Variants in GMDS observed in about 807,000 individuals in gnomAD.
GMDS encodes GDP-mannose 4,6 dehydratase.
Under a neutral mutation model 49.9 loss-of-function variants are expected in GMDS, and 20 were observed. The ratio of observed to expected loss-of-function variants is 0.40; its 90% CI spans 0.28 to 0.58. The LOEUF (loss-of-function observed/expected upper bound fraction) is 0.58. GMDS is among the 20% of genes least tolerant of loss of function. The pLI is 0.42. For synonymous variants in GMDS, 177 were observed against 178.6 expected (o/e 0.99, Z 0.07); for missense variants, 362 against 481.4 (o/e 0.75, Z 2.32).
chr6:1,896,951 C>G (rs116677483), intron 7 of GMDS, among the ~76,000 whole-genome samples: 2,974 of 152,160 alleles, frequency 0.02, 104 homozygotes, highest in African/African-American at 0.068. Flanking sequence ...GTAGGGAAGA[C>G]GAGGGCAGGA....
intron 7 of GMDS, among the ~76,000 whole-genome samples, chr6:1,883,885 T>C (rs1759479940): frequency 6.6e-6 from 1 of 152,218 alleles, no homozygotes; most frequent in African/African-American, 2.4e-5. Context: ...AACACATTAT[T>C]ACACATTTAT....
intron 9 of GMDS, among the ~76,000 whole-genome samples, chr6:1,667,130 C>T (rs1463794051): frequency 2.6e-5 from 4 of 152,198 alleles, no homozygotes; most frequent in Admixed American, 6.5e-5. Context: ...AGAGTGGTGA[C>T]GGTAGGGTTC....
intron 7 of GMDS, among the ~76,000 whole-genome samples, chr6:1,912,964 C>CAA (rs1433481245): frequency 1.3e-5 from 2 of 152,232 alleles, no homozygotes; most frequent in East Asian, 3.8e-4. Context: ...ACCTCTGCCA[C>CAA]ACAAACTATA....
At chr6:1,810,791 T>C (rs538323835) in intron 7 of GMDS, among the ~76,000 whole-genome samples, 1 of 152,332 alleles carries the variant, frequency 6.6e-6, no homozygotes, top group East Asian at 1.9e-4. Context: ...TTTAGAACGA[T>C]TATTCCTTTA....
intron 7 of GMDS, among the ~76,000 whole-genome samples, chr6:1,839,828 C>T (rs566542541): frequency 1.3e-5 from 2 of 152,230 alleles, no homozygotes; most frequent in East Asian, 1.9e-4. Context: ...AGGCTGCAGC[C>T]GAGGGGACGT....
At chr6:1,960,066 T>G in intron 5 of GMDS, 95 bp from the exon 6 acceptor site, 1 of 629,240 alleles carries the variant, frequency 1.6e-6, no homozygotes, top group South Asian at 2.4e-5. Flanking sequence ...AAATAATAAC[T>G]TGTAATGCAT....
chr6:1,624,651 C>T lies in GMDS; in HGVS notation c.988-111G>A, dbSNP rs539692090. The T allele has an allele frequency of 1.5e-4, 108 of 723,446 alleles. 2 individuals are homozygous for T. The South Asian group carries it at 1.5e-3, about 10-fold the overall frequency. The allele number at this position is 723,446 out of a possible 1,614,324, so 44.8% of individuals were successfully genotyped here. A position where few individuals can be genotyped will look rare whatever the true frequency, so the allele number is the denominator to read the frequency against. The stretch of plus-strand genomic sequence containing the variant: ...CCGCTCCCTCTGGGCGCACAAGGCT[C>T]CGGGTTTCCCTGCTTTCGGTCCCTG... On this transcript the variant is annotated intron_variant, in intron 9 of 10. Coordinates refer to ENST00000380815, the MANE Select transcript of GMDS (RefSeq NM_001500.4).
intron 8 of GMDS, among the ~76,000 whole-genome samples, chr6:1,729,068 A>G (rs1766696623): frequency 6.6e-6 from 1 of 152,044 alleles, no homozygotes; most frequent in South Asian, 2.1e-4. Context: ...GTATCGCCTC[A>G]CCCTCAGCTG....
At chr6:1,988,158 T>C (rs1765680388) in intron 4 of GMDS, among the ~76,000 whole-genome samples, 1 of 152,188 alleles carries the variant, frequency 6.6e-6, no homozygotes, top group South Asian at 2.1e-4. Context: ...CTGTGCAATT[T>C]AACACCAAGA....
At chr6:2,010,349 GAAAA>G (rs1290165172) in intron 4 of GMDS, among the ~76,000 whole-genome samples, 2 of 135,682 alleles carry the variant, frequency 1.5e-5, no homozygotes, top group Non-Finnish European at 3.2e-5. Context: ...AAGAAAGAAA[GAAAA>G]AAAAAAACAC....
chr6:1,730,956 G>A (rs1270385893), intron 8 of GMDS, among the ~76,000 whole-genome samples: 2 of 151,972 alleles, frequency 1.3e-5, no homozygotes, highest in African/African-American at 2.4e-5. Flanking sequence ...ACAAGCAGGG[G>A]GAGGAGAATC....
intron 4 of GMDS, among the ~76,000 whole-genome samples, chr6:2,032,765 C>T (rs915347607): frequency 1.3e-5 from 2 of 152,128 alleles, no homozygotes; most frequent in African/African-American, 4.8e-5. Context: ...TATAAAACTG[C>T]TAATTCACAG....
chr6:2,187,292 T>C (rs1778819918), intron 1 of GMDS, among the ~76,000 whole-genome samples: 1 of 152,196 alleles, frequency 6.6e-6, no homozygotes, highest in Non-Finnish European at 1.5e-5. Flanking sequence ...GAAGTCACAG[T>C]GGCCTACAAG....
At chr6:2,095,376 G>A (rs578246543) in intron 4 of GMDS, among the ~76,000 whole-genome samples, 8 of 152,294 alleles carry the variant, frequency 5.3e-5, no homozygotes, top group South Asian at 2.1e-4. Context: ...GCCACTTGAC[G>A]GATGTCTACA....
At chr6:2,115,223 C>T (rs1216893765) in intron 4 of GMDS, among the ~76,000 whole-genome samples, 4 of 152,030 alleles carry the variant, frequency 2.6e-5, no homozygotes, top group South Asian at 2.1e-4. Context: ...TTCCAGAATG[C>T]GAATAGAGGG....
At chr6:1,938,733 G>C (rs1240973984) in intron 6 of GMDS, among the ~76,000 whole-genome samples, 2 of 151,986 alleles carry the variant, frequency 1.3e-5, no homozygotes, top group East Asian at 3.9e-4. Flanking sequence ...TATCTCTTTA[G>C]ATATTGCCTC....
At position 1,699,601 on chromosome 6, in the gene GMDS, G is replaced by A. The variant is rs573664370; in HGVS notation, c.987+26815C>T. 5.6e-4 allele frequency among the ~76,000 whole-genome samples: 85 copies of A among 152,226 alleles called. No homozygotes were observed. In the South Asian group the frequency reaches 0.013, roughly 24 times the overall value. ...CCCCTTGGCTCGCAGCCCCTTCCTT[G>A]AATCACCCTGACCCCGCTTCGTCTT... is the stretch of plus-strand genomic sequence containing the variant. On this transcript the variant is annotated intron_variant, in intron 9 of 10. Transcript: ENST00000380815.
chr6:1,656,571 GACC>G (rs888881427), intron 9 of GMDS, among the ~76,000 whole-genome samples: 1 of 152,088 alleles, frequency 6.6e-6, no homozygotes, highest in Admixed American at 6.5e-5. Flanking sequence ...AGACCAGCCT[GACC>G]AACATGGTGA....
At chr6:2,126,302 G>A (rs988747988) in intron 1 of GMDS, among the ~76,000 whole-genome samples, 1 of 152,182 alleles carries the variant, frequency 6.6e-6, no homozygotes, top group Admixed American at 6.5e-5. Context: ...AAAATGGGAA[G>A]CTCCAACCAC....
Sources: allele counts gnomAD v4.1 joint callset (sites outside exome capture counted in the v4.1 genomes callset), GRCh38; gene constraint gnomAD v4.1.1; transcripts MANE v1.5; gene names NCBI Gene and HGNC (gene_info 2026-07-23, HGNC 2026-07-21).